The following TTC39B variants were observed in gnomAD, a reference collection of about 807,000 sequenced individuals.
The protein encoded by TTC39B is tetratricopeptide repeat domain 39B.
Under a neutral mutation model 96.6 loss-of-function variants are expected in TTC39B, and 92 were observed. The observed-to-expected ratio is 0.95, with a 90% CI of 0.80 to 1.13. The LOEUF is 1.13. Among genes scored for constraint, TTC39B ranks in the 50% most tolerant of loss-of-function variants. The pLI is 0.00. For synonymous variants in TTC39B, 367 were observed against 299.4 expected (o/e 1.23, Z -2.33); for missense variants, 955 against 809.3 (o/e 1.18, Z -2.18).
At chr9:15,289,909 GAGT>G (rs1824121147) in intron 1 of TTC39B, among the ~76,000 whole-genome samples, 1 of 152,084 alleles carries the variant, frequency 6.6e-6, no homozygotes, top group Non-Finnish European at 1.5e-5. Context: ...ATGTGGGCAG[GAGT>G]AATTCATACA....
chr9:15,229,034 T>C (rs1228681662), intron 2 of TTC39B, among the ~76,000 whole-genome samples: 2 of 152,210 alleles, frequency 1.3e-5, no homozygotes, highest in East Asian at 1.9e-4. Flanking sequence ...ACAAACTAAT[T>C]TTTTTATTAA....
At chr9:15,290,884 C>A (rs939603639) in intron 1 of TTC39B, among the ~76,000 whole-genome samples, 1 of 152,178 alleles carries the variant, frequency 6.6e-6, no homozygotes, top group Admixed American at 6.5e-5. Flanking sequence ...CCTTCCCAGG[C>A]GTATCCTCTA....
At chr9:15,182,367 C>G in exon 17 of TTC39B, 2 of 1,611,988 alleles carry the variant, frequency 1.2e-6, no homozygotes, top group Non-Finnish European at 1.7e-6. Context: ...TCAGAAAGGT[C>G]TTTTCTTTTG....
intron 1 of TTC39B, among the ~76,000 whole-genome samples, chr9:15,304,834 G>C (rs1334790979): frequency 6.6e-6 from 1 of 152,152 alleles, no homozygotes; most frequent in Non-Finnish European, 1.5e-5. Flanking sequence ...CTTGTTCACT[G>C]TTGTACCTCC....
chr9:15,227,806 T>G (rs1308189930), intron 2 of TTC39B, among the ~76,000 whole-genome samples: 1 of 152,210 alleles, frequency 6.6e-6, no homozygotes, highest in Non-Finnish European at 1.5e-5. Flanking sequence ...TTTTCACATT[T>G]GCCTTTAGCT....
At chr9:15,214,018 G>A in intron 4 of TTC39B, 121 bp downstream of exon 4, 1 of 680,690 alleles carries the variant, frequency 1.5e-6, no homozygotes, top group Non-Finnish European at 2.4e-6. Flanking sequence ...AAAGAGGTCT[G>A]AACTAAATTA....
At chr9:15,290,961 G>A (rs890922623) in intron 1 of TTC39B, among the ~76,000 whole-genome samples, 9 of 152,242 alleles carry the variant, frequency 5.9e-5, no homozygotes, top group African/African-American at 2.2e-4. Context: ...CGTAAAAGGA[G>A]TAATGCAAAG....
chr9:15,205,125 G>A (rs889106299), intron 6 of TTC39B, among the ~76,000 whole-genome samples: 2 of 152,102 alleles, frequency 1.3e-5, no homozygotes, highest in African/African-American at 2.4e-5. Context: ...GGCCACTAAC[G>A]CCGCCTCTAG....
At position 15,245,280 on chromosome 9, in the gene TTC39B, C is replaced by T. The variant is rs189006498; in HGVS notation, c.276-19268G>A. ...GAAACCTTCATTCACAAACAAGCAGCTTTCAGTAGATATAAGGGCTCTCCC... is the reference window on the plus strand; with the variant it reads ...GAAACCTTCATTCACAAACAAGCAGTTTTCAGTAGATATAAGGGCTCTCCC... On this transcript the variant is annotated intron_variant, in intron 2 of 19. Transcript: ENST00000512701. 1.8e-4 allele frequency among the ~76,000 whole-genome samples: 28 copies of T among 152,272 alleles called. No individual in the cohort carries two copies. In the East Asian group the frequency reaches 3.9e-3, roughly 21 times the overall value.
chr9:15,280,607 T>C (rs910585979), intron 1 of TTC39B, among the ~76,000 whole-genome samples: 1 of 152,156 alleles, frequency 6.6e-6, no homozygotes, highest in African/African-American at 2.4e-5. Context: ...GCCCGAACAG[T>C]GATGATGATA....
chr9:15,293,264 A>T (rs1824252974), intron 1 of TTC39B, among the ~76,000 whole-genome samples: 1 of 152,152 alleles, frequency 6.6e-6, no homozygotes, highest in South Asian at 2.1e-4. Context: ...ACCATCTAGG[A>T]TTGTGTAAGT....
chr9:15,167,013 TATA>T (rs1817538028), exon 20 of TTC39B: 1 of 8,296 alleles, frequency 1.2e-4, no homozygotes, highest in Non-Finnish European at 2.3e-4. Flanking sequence ...TATATATATA[TATA>T]TATATATATA....
intron 1 of TTC39B, among the ~76,000 whole-genome samples, chr9:15,296,746 C>G (rs1824393716): frequency 6.6e-6 from 1 of 152,218 alleles, no homozygotes; most frequent in Admixed American, 6.5e-5. Flanking sequence ...ACCCCCCTGC[C>G]TCGGCCTCCC....
At chr9:15,214,845 T>C (rs968019476) in intron 3 of TTC39B, among the ~76,000 whole-genome samples, 1 of 152,256 alleles carries the variant, frequency 6.6e-6, no homozygotes, top group African/African-American at 2.4e-5. Context: ...TAATCACTTA[T>C]GATTGACAGA....
chr9:15,301,741 G>C (rs1466666174), intron 1 of TTC39B, among the ~76,000 whole-genome samples: 3 of 149,910 alleles, frequency 2.0e-5, no homozygotes, highest in African/African-American at 7.4e-5. Flanking sequence ...GGGCAACAGA[G>C]AGAGAGTCCA....
At chr9:15,195,032 C>G (rs181190808) in intron 8 of TTC39B, among the ~76,000 whole-genome samples, 35 of 152,342 alleles carry the variant, frequency 2.3e-4, no homozygotes, top group Middle Eastern at 3.4e-3. Flanking sequence ...GTGAGGAAGG[C>G]ATGTCAAAAG....
chr9:15,189,585 T>G (rs1209783577), exon 13 of TTC39B: 2 of 1,614,010 alleles, frequency 1.2e-6, no homozygotes, highest in African/African-American at 1.3e-5. Flanking sequence ...TCTTCAAGAT[T>G]CCCTTTCAGC....
chr9:15,217,415 A>G lies in TTC39B; in HGVS notation c.372-3166T>C, dbSNP rs77672561. Among the ~76,000 whole-genome samples the G allele has an allele frequency of 2.5e-3, 373 of 152,164 alleles. 2 individuals are homozygous for G. The highest frequency in any genetic ancestry group is 8.6e-3 in the African/African-American group (355 of 41,518). Reference sequence around the variant, plus strand: ...GGATACACTATACACACCCCCACTTAGATACACAAAGTGGGAGCTCAGCAC... The same window carrying G: ...GGATACACTATACACACCCCCACTTGGATACACAAAGTGGGAGCTCAGCAC... On this transcript the variant is annotated intron_variant, in intron 3 of 19. Transcript: ENST00000512701.
intron 4 of TTC39B, among the ~76,000 whole-genome samples, chr9:15,213,870 T>C (rs1231799683): frequency 6.6e-6 from 1 of 152,274 alleles, no homozygotes; most frequent in East Asian, 1.9e-4. Flanking sequence ...GAAAGCAAAA[T>C]TGAAGCCTTA....
Sources: allele counts gnomAD v4.1 joint callset (sites outside exome capture counted in the v4.1 genomes callset), GRCh38; gene constraint gnomAD v4.1.1; transcripts MANE v1.5; gene names NCBI Gene and HGNC (gene_info 2026-07-23, HGNC 2026-07-21).